The following SSRP1 variants were observed in gnomAD, a reference collection of about 807,000 sequenced individuals.
SSRP1 encodes the protein FACT complex subunit SSRP1.
Under a neutral mutation model 84.4 loss-of-function variants are expected in SSRP1, and 21 were observed. The observed-to-expected ratio is 0.25, with a 90% confidence interval of 0.18 to 0.36. The LOEUF is 0.36. Among genes scored for constraint, SSRP1 ranks in the 10% least tolerant of loss-of-function variants. The pLI is 1.00. For synonymous variants in SSRP1, 319 were observed against 318.3 expected (o/e 1.00, Z -0.02); for missense variants, 519 against 900.8 (o/e 0.58, Z 5.43).
In SSRP1 at chr11:57,330,652, G is replaced by T; in HGVS notation, c.1296+203C>A. 6.9e-7 allele frequency: 1 copy of T among 1,445,036 alleles called. No homozygotes were observed. 89.5% of individuals were successfully genotyped at this position (1,445,036 alleles called of 1,614,324 possible). A position where few individuals can be genotyped will look rare whatever the true frequency, so the allele number is the denominator to read the frequency against. ...CCCCTCCCTCTCCCAGCCCCACTGG[G>T]GGCTCCTGAGGGGCTGCATAGACTG... On this transcript the variant is annotated intron_variant, in intron 10 of 16. Transcript: ENST00000278412. The surrounding 1 kb of genome is among the most constrained non-coding windows in gnomAD (Gnocchi z 4.0).
At chr11:57,326,509 C>G (rs761202290) in intron 16 of SSRP1, 31 bp from the exon 17 acceptor site, 1 of 1,613,638 alleles carries the variant, frequency 6.2e-7, no homozygotes, top group Non-Finnish European at 8.5e-7. Flanking sequence ...AAGGGAAAAG[C>G]TGGAGTCCTG....
chr11:57,330,014 G>A lies in SSRP1; in HGVS notation c.1481+79C>T, dbSNP rs1270938086. ...GGGTCAGTAGCTAATGCTGGGACCT[G>A]AGAAATGTCCAGAAATCTTCTGGTC... is the stretch of plus-strand genomic sequence containing the variant. On this transcript the variant is annotated intron_variant, in intron 12 of 16. Coordinates refer to ENST00000278412, the MANE Select transcript of SSRP1 (RefSeq NM_003146.3). This position sits in a 1 kb window ranked among gnomAD's most constrained non-coding sequence, Gnocchi z 4.0. 8 of 1,566,016 alleles carry A rather than the reference G, an allele frequency of 5.1e-6. No homozygotes were observed. The African/African-American group carries it at 8.1e-5, about 16-fold the overall frequency.
At chr11:57,326,944 C>T (rs1427642563) in intron 15 of SSRP1, 55 bp from the exon 16 acceptor site, 6 of 1,490,256 alleles carry the variant, frequency 4.0e-6, no homozygotes, top group Non-Finnish European at 5.3e-6. Flanking sequence ...GTCACCATGA[C>T]CAAACCTCTC....
rs1590603264 is a variant in SSRP1, at chr11:57,326,795, G to A, written c.1966C>T (p.Leu656=). The change falls in exon 16 of 17, where the codon CTA becomes TTA. Residue 656 remains leucine (L), a synonymous_variant. Coordinates refer to ENST00000278412, the MANE Select transcript of SSRP1 (RefSeq NM_003146.3). Reference sequence around the variant, plus strand: ...TCTTTGCTCTTGAAGCTCTCGCTTAGCTGCCTTGAGGACGACTTGGATGAT... The same window carrying A: ...TCTTTGCTCTTGAAGCTCTCGCTTAACTGCCTTGAGGACGACTTGGATGAT... The part of the protein sequence containing the change: ...GSSSKSSSRQ[L]SESFKSKEFV... The A allele has an allele frequency of 6.2e-7, 1 of 1,614,244 alleles. No individual in the cohort carries two copies. Among genetic ancestry groups the A allele is most frequent in the East Asian group, 2.2e-5 (1 of 44,886 alleles).
rs1856199768 is a variant in SSRP1 at position 57,335,555 on chromosome 11, G to A, written c.-120+175C>T. On this transcript the variant is annotated intron_variant, in intron 1 of 16. Coordinates refer to ENST00000278412, the MANE Select transcript of SSRP1 (RefSeq NM_003146.3). This position sits in a 1 kb window ranked among gnomAD's most constrained non-coding sequence, Gnocchi z 4.6. ...CGACCCAATCCAGCTCAGAGTGCAGGGTTTCCCTCGCACCGCTCCCACCAC... is the reference window on the plus strand; with the variant it reads ...CGACCCAATCCAGCTCAGAGTGCAGAGTTTCCCTCGCACCGCTCCCACCAC... 4.3e-6 allele frequency: 1 copy of A among 234,054 alleles called. No individual in the cohort carries two copies. Among genetic ancestry groups the A allele is most frequent in the Non-Finnish European group, 8.8e-6 (1 of 114,164 alleles). The allele number at this position is 234,054 out of a possible 1,614,324, so 14.5% of individuals were successfully genotyped here. A position where few individuals can be genotyped will look rare whatever the true frequency, so the allele number is the denominator to read the frequency against.
chr11:57,327,369 A>T (rs1271029116), intron 15 of SSRP1, 57 bp downstream of exon 15: 4 of 299,674 alleles, frequency 1.3e-5, no homozygotes, highest in Non-Finnish European at 1.6e-5. Context: ...TCGGCCTGTT[A>T]AAAAAAAAAA....
chr11:57,332,799 G>A lies in SSRP1; in HGVS notation c.594C>T (p.Ala198=), dbSNP rs941347378. 6.2e-7 allele frequency: 1 copy of A among 1,614,082 alleles called. No individual in the cohort carries two copies. Among genetic ancestry groups the A allele is most frequent in the Non-Finnish European group, 8.5e-7 (1 of 1,180,026 alleles). Reference sequence around the variant, plus strand: ...ACTGCAGCTCCCGGAAGATGCAGATGGCATCTCCCGTGGCCTGGATTACAT... The same window carrying A: ...ACTGCAGCTCCCGGAAGATGCAGATAGCATCTCCCGTGGCCTGGATTACAT... ...KADVIQATGD[A]ICIFRELQCL... Residue 198 remains alanine (A), a synonymous_variant, in exon 6 of 17, where the codon GCC becomes GCT. Transcript: ENST00000278412. The surrounding 1 kb of genome is among the most constrained non-coding windows in gnomAD (Gnocchi z 5.5).
rs1308457279 is a variant in SSRP1 at position 57,330,956 on chromosome 11, G to C, written c.1224-29C>G. 1 of 1,612,126 alleles carries C rather than the reference G, an allele frequency of 6.2e-7. No individual in the cohort carries two copies. On this transcript the variant is annotated intron_variant, in intron 9 of 16. Coordinates refer to ENST00000278412, the MANE Select transcript of SSRP1 (RefSeq NM_003146.3). The surrounding 1 kb of genome is among the most constrained non-coding windows in gnomAD (Gnocchi z 4.0). ...TGAGGGGACATGCACCATGTTACCA[G>C]AGAGGTAGTGCCAACACAGGGGCAC...
rs777555591 is a variant in SSRP1 at position 57,330,892 on chromosome 11, G to A, written c.1259C>T (p.Ala420Val). 29 of 1,614,004 alleles carry A rather than the reference G, an allele frequency of 1.8e-5. No homozygotes were observed. The highest frequency in any genetic ancestry group is 6.6e-5 in the South Asian group (6 of 91,080). ...EYGKLFDFVN[A>V]KKLNIKNRGL... Reference sequence around the variant, plus strand: ...TCGGTTTTTGATGTTGAGCTTTTTCGCGTTGACAAAATCAAACAGTTTCCC... The same window carrying A: ...TCGGTTTTTGATGTTGAGCTTTTTCACGTTGACAAAATCAAACAGTTTCCC... The change falls in exon 10 of 17, where the codon GCG becomes GTG. Residue 420 changes from alanine (A) to valine (V), a missense_variant. Coordinates refer to ENST00000278412, the MANE Select transcript of SSRP1 (RefSeq NM_003146.3). This position sits in a 1 kb window ranked among gnomAD's most constrained non-coding sequence, Gnocchi z 4.0.
chr11:57,330,808 C>G lies in SSRP1; in HGVS notation c.1296+47G>C, dbSNP rs1465072578. The G allele has an allele frequency of 6.2e-7, 1 of 1,613,824 alleles. No homozygotes were observed. The highest frequency in any genetic ancestry group is 8.5e-7 in the Non-Finnish European group (1 of 1,179,910). On this transcript the variant is annotated intron_variant, in intron 10 of 16. Coordinates refer to ENST00000278412, the MANE Select transcript of SSRP1 (RefSeq NM_003146.3). The surrounding 1 kb of genome is among the most constrained non-coding windows in gnomAD (Gnocchi z 4.0). ...GAAAAAATCTCCACCCCTTTCTCCC[C>G]TATAGAAAGACCAGGAGAGGGTCTC...
chr11:57,327,402 C>T lies in SSRP1; in HGVS notation c.1871+24G>A, dbSNP rs1856007314. The stretch of plus-strand genomic sequence containing the variant: ...AAAAGTCTGCCACAAAAATCAGTGA[C>T]TGGGCCATGTTCTCGACACTCACCT... On this transcript the variant is annotated intron_variant, in intron 15 of 16. Transcript: ENST00000278412. 1.9e-6 allele frequency: 3 copies of T among 1,600,032 alleles called. No individual in the cohort carries two copies. The African/African-American group carries it at 4.0e-5, about 22-fold the overall frequency.
rs1228302505 is a variant in SSRP1, at chr11:57,330,953, C to T, written c.1224-26G>A. 1.2e-6 allele frequency: 2 copies of T among 1,613,142 alleles called. No homozygotes were observed. The highest frequency in any genetic ancestry group is 2.7e-5 in the African/African-American group (2 of 74,910). On this transcript the variant is annotated intron_variant, in intron 9 of 16. Transcript: ENST00000278412. This position sits in a 1 kb window ranked among gnomAD's most constrained non-coding sequence, Gnocchi z 4.0. ...CTGTGAGGGGACATGCACCATGTTA[C>T]CAGAGAGGTAGTGCCAACACAGGGG... is the stretch of plus-strand genomic sequence containing the variant.
intron 3 of SSRP1, among the ~76,000 whole-genome samples, chr11:57,334,110 G>C (rs897634620): frequency 6.6e-6 from 1 of 152,152 alleles, no homozygotes; most frequent in East Asian, 1.9e-4. Context: ...CCGAGATTGC[G>C]CCACTGCACT....
rs750663512 is a variant in SSRP1, at chr11:57,326,821, G to T, written c.1940C>A (p.Ser647Ter). The T allele has an allele frequency of 6.2e-7, 1 of 1,614,208 alleles. No individual in the cohort carries two copies. The highest frequency in any genetic ancestry group is 1.7e-5 in the Admixed American group (1 of 60,030). ...MEKKSTPSRGSSSKSSSRQLS... is the reference protein window; with the variant it reads ...MEKKSTPSRG ...CTGCCTTGAGGACGACTTGGATGATGAGCCCCTAGAGGGCGTGGATTTCTT... is the reference window on the plus strand; with the variant it reads ...CTGCCTTGAGGACGACTTGGATGATTAGCCCCTAGAGGGCGTGGATTTCTT... Residue 647 changes from serine to a stop codon, truncating the protein, a stop_gained, in exon 16 of 17, where the codon TCA becomes TAA. Transcript: ENST00000278412. LOFTEE classifies it high-confidence loss of function.
At position 57,330,714 on chromosome 11, in the gene SSRP1, G is replaced by A; in HGVS notation, c.1296+141C>T. ...TGCAGAGGAAACCTGCACCAGGAGGGGGAAAGGGTCACACGCACCTCTTTT... is the reference window on the plus strand; with the variant it reads ...TGCAGAGGAAACCTGCACCAGGAGGAGGAAAGGGTCACACGCACCTCTTTT... On this transcript the variant is annotated intron_variant, in intron 10 of 16. Transcript: ENST00000278412. The surrounding 1 kb of genome is among the most constrained non-coding windows in gnomAD (Gnocchi z 4.0). 6.7e-7 allele frequency: 1 copy of A among 1,497,964 alleles called. No individual in the cohort carries two copies. The highest frequency in any genetic ancestry group is 8.9e-7 in the Non-Finnish European group (1 of 1,125,136). 92.8% of individuals were successfully genotyped at this position (1,497,964 alleles called of 1,614,324 possible).
rs994686706 is a variant in SSRP1, at chr11:57,335,548, A to T, written c.-120+182T>A. 1 of 244,296 alleles carries T rather than the reference A, an allele frequency of 4.1e-6. No homozygotes were observed. The highest frequency in any genetic ancestry group is 8.3e-6 in the Non-Finnish European group (1 of 120,016). 15.1% of individuals were successfully genotyped at this position (244,296 alleles called of 1,614,324 possible). A position where few individuals can be genotyped will look rare whatever the true frequency, so the allele number is the denominator to read the frequency against. On this transcript the variant is annotated intron_variant, in intron 1 of 16. Transcript: ENST00000278412. The surrounding 1 kb of genome is among the most constrained non-coding windows in gnomAD (Gnocchi z 4.6). ...TCGCACGCGACCCAATCCAGCTCAG[A>T]GTGCAGGGTTTCCCTCGCACCGCTC...
intron 12 of SSRP1, chr11:57,329,003 CAA>C (rs1856038999): frequency 6.6e-6 from 1 of 152,458 alleles, no homozygotes; most frequent in East Asian, 1.9e-4. Context: ...TCAGTTACTA[CAA>C]AAAGAGGAAA....
intron 3 of SSRP1, among the ~76,000 whole-genome samples, chr11:57,334,101 C>T (rs1050508116): frequency 6.6e-6 from 1 of 152,184 alleles, no homozygotes; most frequent in African/African-American, 2.4e-5. Context: ...TGCAGTAATC[C>T]GAGATTGCGC....
At position 57,327,728 on chromosome 11, in the gene SSRP1, G is replaced by C; in HGVS notation, c.1766C>G (p.Ser589Cys). Residue 589 changes from serine to cysteine, a missense_variant, in exon 14 of 17, where the codon TCC (serine) becomes TGC (cysteine). By Grantham distance (112) the Ser-to-Cys change is moderately radical. Around this residue, in one of 7 missense-constraint regions of SSRP1, gnomAD observed 197 missense variants for 265.0 expected, o/e 0.74. Coordinates refer to ENST00000278412, the MANE Select transcript of SSRP1 (RefSeq NM_003146.3). ...KKAGEIWKGM[S>C]KEKKEEWDRK... ...GCTACTCACCTCTTTCTTCTCTTTGGACATTCCCTTCCAGATCTCGCCTGC... is the reference window on the plus strand; with the variant it reads ...GCTACTCACCTCTTTCTTCTCTTTGCACATTCCCTTCCAGATCTCGCCTGC... The C allele has an allele frequency of 6.2e-7, 1 of 1,613,962 alleles. No homozygotes were observed. The highest frequency in any genetic ancestry group is 8.5e-7 in the Non-Finnish European group (1 of 1,180,014).
Sources: allele counts gnomAD v4.1 joint callset (sites outside exome capture counted in the v4.1 genomes callset), GRCh38; gene constraint gnomAD v4.1.1; regional missense constraint gnomAD v4.1.1; non-coding constraint Gnocchi (gnomAD v3.1); transcripts MANE v1.5; gene names NCBI Gene and HGNC (gene_info 2026-07-23, HGNC 2026-07-21).